The following GRIA4 variants were observed in gnomAD, a reference collection of about 807,000 sequenced individuals.
GRIA4 encodes glutamate receptor 4.
GRIA4 carries 34 observed loss-of-function variants against 104.0 expected under a neutral mutation model. The observed-to-expected ratio is 0.33, with a 90% CI of 0.25 to 0.44. GRIA4 has a LOEUF of 0.44. Among genes scored for constraint, GRIA4 ranks in the 20% least tolerant of loss-of-function variants. The pLI is 1.00. For synonymous variants in GRIA4, 386 were observed against 381.9 expected, an observed-to-expected ratio of 1.01 and a Z score of -0.13; for missense variants, 750 against 1,096.5, an observed-to-expected ratio of 0.68 and a Z score of 4.46.
At chr11:105,695,445 C>CGT (rs964445088) in intron 3 of GRIA4, among the ~76,000 whole-genome samples, 66 of 144,146 alleles carry the variant, frequency 4.6e-4, no homozygotes, top group African/African-American at 1.5e-3. Context: ...TGTATGCGTG[C>CGT]GTGTGTGTGT....
chr11:105,624,928 C>T (rs188990139), intron 3 of GRIA4, among the ~76,000 whole-genome samples: 18 of 152,040 alleles, frequency 1.2e-4, no homozygotes, highest in Admixed American at 2.0e-4. Context: ...TATATGCATA[C>T]AAGTATTACA....
chr11:105,815,840 T>C (rs535096900), intron 4 of GRIA4, among the ~76,000 whole-genome samples: 4 of 152,350 alleles, frequency 2.6e-5, no homozygotes, highest in African/African-American at 7.2e-5. Context: ...TACCTTCTTA[T>C]GAAATCTCAC....
At chr11:105,802,704 A>G (rs1237537562) in intron 4 of GRIA4, among the ~76,000 whole-genome samples, 1 of 151,986 alleles carries the variant, frequency 6.6e-6, no homozygotes. Context: ...AGATTTTTTT[A>G]CAGGAATATA....
intron 4 of GRIA4, among the ~76,000 whole-genome samples, chr11:105,812,989 G>A (rs1023979904): frequency 6.0e-5 from 9 of 150,300 alleles, no homozygotes; most frequent in African/African-American, 9.8e-5. Context: ...TAGTCCTCGG[G>A]AGGCTGAGGC....
chr11:105,722,195 G>A (rs1565491713), intron 3 of GRIA4, among the ~76,000 whole-genome samples: 1 of 152,116 alleles, frequency 6.6e-6, no homozygotes, highest in Non-Finnish European at 1.5e-5. Context: ...GACAGTCCCT[G>A]ACTTTTTGTG....
At chr11:105,943,876 C>G (rs1198903028) in intron 14 of GRIA4, among the ~76,000 whole-genome samples, 1 of 151,976 alleles carries the variant, frequency 6.6e-6, no homozygotes, top group Non-Finnish European at 1.5e-5. Flanking sequence ...AATGCTCTCT[C>G]TCTCTATATA....
chr11:105,708,766 G>A (rs1953801390), intron 3 of GRIA4, among the ~76,000 whole-genome samples: 2 of 151,910 alleles, frequency 1.3e-5, no homozygotes, highest in Non-Finnish European at 2.9e-5. Context: ...ATAAAAAAAA[G>A]AGGAAAGGCT....
intron 3 of GRIA4, among the ~76,000 whole-genome samples, chr11:105,724,472 C>G (rs1018435106): frequency 1.3e-5 from 2 of 151,810 alleles, no homozygotes; most frequent in African/African-American, 2.4e-5. Flanking sequence ...TCAATGAAAT[C>G]ACATCTTTCA....
chr11:105,857,232 G>T (rs1277162620), intron 4 of GRIA4, among the ~76,000 whole-genome samples: 10 of 152,046 alleles, frequency 6.6e-5, no homozygotes, highest in Admixed American at 6.6e-4. Flanking sequence ...ATGCAGTGAG[G>T]ATTACAGAAT....
intron 4 of GRIA4, among the ~76,000 whole-genome samples, chr11:105,857,279 T>TAGACACACAC (rs1945041662): frequency 6.6e-6 from 1 of 152,124 alleles, no homozygotes; most frequent in Non-Finnish European, 1.5e-5. Flanking sequence ...TAAGTGGCGT[T>TAGACACACAC]AGACACACAC....
At chr11:105,893,816 C>A (rs1946540955) in intron 6 of GRIA4, among the ~76,000 whole-genome samples, 1 of 152,176 alleles carries the variant, frequency 6.6e-6, no homozygotes, top group Non-Finnish European at 1.5e-5. Flanking sequence ...ACATTGGAAT[C>A]ATTTGCCTGC....
At chr11:105,888,619 T>C (rs1565318104) in intron 6 of GRIA4, among the ~76,000 whole-genome samples, 1 of 152,032 alleles carries the variant, frequency 6.6e-6, no homozygotes, top group Non-Finnish European at 1.5e-5. Context: ...TTTTTTTTAA[T>C]GACTATCTTG....
chr11:105,847,117 G>A (rs928637717), intron 4 of GRIA4, among the ~76,000 whole-genome samples: 1 of 151,866 alleles, frequency 6.6e-6, no homozygotes, highest in Non-Finnish European at 1.5e-5. Flanking sequence ...ACCGGGGACC[G>A]GTTTCCTGGA....
intron 14 of GRIA4, among the ~76,000 whole-genome samples, chr11:105,949,310 G>C (rs1467099398): frequency 6.6e-6 from 1 of 152,150 alleles, no homozygotes; most frequent in Non-Finnish European, 1.5e-5. Flanking sequence ...CTTAGTTGAA[G>C]GATTCCCTTT....
At chr11:105,664,571 A>G (rs1243146560) in intron 3 of GRIA4, among the ~76,000 whole-genome samples, 1 of 151,972 alleles carries the variant, frequency 6.6e-6, no homozygotes, top group African/African-American at 2.4e-5. Context: ...CACTAACATT[A>G]TCTAGCACTG....
intron 13 of GRIA4, among the ~76,000 whole-genome samples, chr11:105,927,688 T>C (rs1309376812): frequency 6.6e-6 from 1 of 152,024 alleles, no homozygotes; most frequent in Non-Finnish European, 1.5e-5. Flanking sequence ...TGTTCCATTA[T>C]GGGGATGAAT....
intron 3 of GRIA4, among the ~76,000 whole-genome samples, chr11:105,743,761 T>C (rs1939474496): frequency 6.6e-6 from 1 of 152,224 alleles, no homozygotes; most frequent in Non-Finnish European, 1.5e-5. Flanking sequence ...ATCCAGGCTA[T>C]CACCCAAGGT....
intron 3 of GRIA4, among the ~76,000 whole-genome samples, chr11:105,723,189 T>C (rs934748036): frequency 5.3e-5 from 8 of 152,098 alleles, no homozygotes; most frequent in African/African-American, 1.9e-4. Context: ...GCTGGAAAAG[T>C]ACTTGACATT....
intron 3 of GRIA4, among the ~76,000 whole-genome samples, chr11:105,652,175 G>A (rs996434244): frequency 1.1e-4 from 16 of 152,122 alleles, no homozygotes; most frequent in African/African-American, 3.4e-4. Context: ...AGGACTCAAG[G>A]ATTTTTTTAA....
Sources: gnomAD v4.1 joint callset for allele counts (sites outside exome capture counted in the v4.1 genomes callset) on GRCh38, gnomAD v4.1.1 for gene constraint, MANE v1.5 for transcripts, NCBI Gene and HGNC (gene_info 2026-07-23, HGNC 2026-07-21) for gene names.